The following BNC2 variants were observed in gnomAD, a reference collection of about 807,000 sequenced individuals.
BNC2 encodes basonuclin zinc finger protein 2.
Under a neutral mutation model 76.3 loss-of-function variants are expected in BNC2, and 20 were observed. The observed-to-expected ratio is 0.26, with a 90% CI of 0.18 to 0.38. The LOEUF (loss-of-function observed/expected upper bound fraction) is 0.38, where lower values mean the gene tolerates loss of function less well. Among genes scored for constraint, BNC2 ranks in the 10% least tolerant of loss-of-function variants. BNC2 has a pLI of 1.00. For synonymous variants in BNC2, 582 were observed against 514.8 expected (o/e 1.13, Z -1.77); for missense variants, 1,382 against 1,399.8 (o/e 0.99, Z 0.20).
chr9:16,695,794 A>G (rs1183513351), intron 3 of BNC2, among the ~76,000 whole-genome samples: 1 of 152,006 alleles, frequency 6.6e-6, no homozygotes. Context: ...TCTCATGTGA[A>G]TTTCAGTCCT....
At position 16,430,861 on chromosome 9, in the gene BNC2, C is replaced by T. The variant is rs181364390; in HGVS notation, c.2639+4694G>A. On this transcript the variant is annotated intron_variant, in intron 6 of 6. Transcript: ENST00000380672. ...GATGTGGACTGATCAAACTAGCAAT[C>T]GAATGGAAGGTTCACACTTGACACC... Among the ~76,000 whole-genome samples the T allele has an allele frequency of 6.1e-4, 93 of 152,286 alleles. 1 individual carries two copies. Among genetic ancestry groups the T allele is most frequent in the African/African-American group, 2.0e-3 (84 of 41,566 alleles).
chr9:16,810,746 C>A (rs1818026339), intron 1 of BNC2, among the ~76,000 whole-genome samples: 1 of 152,142 alleles, frequency 6.6e-6, no homozygotes, highest in Admixed American at 6.5e-5. Flanking sequence ...GCCAGTGATC[C>A]AAAGAGAAAA....
intron 1 of BNC2, among the ~76,000 whole-genome samples, chr9:16,823,865 G>A (rs1818396371): frequency 6.6e-6 from 1 of 152,060 alleles, no homozygotes; most frequent in Non-Finnish European, 1.5e-5. Flanking sequence ...CTTCTCTGTG[G>A]AGGTGATTTT....
chr9:16,536,980 T>C (rs1818149293), intron 5 of BNC2, among the ~76,000 whole-genome samples: 1 of 152,150 alleles, frequency 6.6e-6, no homozygotes, highest in Non-Finnish European at 1.5e-5. Flanking sequence ...TTTGAAATGT[T>C]ACTAACATAT....
intron 3 of BNC2, among the ~76,000 whole-genome samples, chr9:16,705,711 T>C (rs182239350): frequency 2.8e-4 from 43 of 152,310 alleles, no homozygotes; most frequent in African/African-American, 1.0e-3. Context: ...AACTTTACAT[T>C]TGCATTGATA....
intron 1 of BNC2, among the ~76,000 whole-genome samples, chr9:16,776,172 T>C (rs1483417242): frequency 6.6e-6 from 1 of 151,042 alleles, no homozygotes; most frequent in East Asian, 2.0e-4. Context: ...GGAGTTTCGC[T>C]CTTGTCGCCC....
chr9:16,747,094 T>C (rs565015584), intron 1 of BNC2, among the ~76,000 whole-genome samples: 1 of 152,268 alleles, frequency 6.6e-6, no homozygotes, highest in East Asian at 1.9e-4. Context: ...ATACAAAGTA[T>C]ACTACGAAAG....
At chr9:16,749,510 G>T (rs528392619) in intron 1 of BNC2, among the ~76,000 whole-genome samples, 1 of 152,152 alleles carries the variant, frequency 6.6e-6, no homozygotes, top group Admixed American at 6.6e-5. Context: ...GATCAGCCTG[G>T]GTAACAGAGT....
intron 1 of BNC2, among the ~76,000 whole-genome samples, chr9:16,821,956 G>A (rs995561052): frequency 2.0e-5 from 3 of 151,930 alleles, no homozygotes; most frequent in Admixed American, 6.6e-5. Context: ...AGCCAGGTGC[G>A]GTGGCGGGCG....
chr9:16,665,386 A>AAAG lies in BNC2; in HGVS notation c.330+62410_330+62411insCTT, dbSNP rs1554702315. Among the ~76,000 whole-genome samples the AAAG allele has an allele frequency of 3.1e-4, 26 of 84,284 alleles. 3 individuals carry two copies. Among genetic ancestry groups the AAAG allele is most frequent in the Non-Finnish European group, 4.9e-4 (23 of 47,312 alleles). 55.3% of individuals were successfully genotyped at this position (84,284 alleles called of 152,430 possible). ...CCTCTGTCTCAAAAAAAAAAAAAAA[A>AAAG]AGAGAGAGAGAGAGAGAAAGAGAGA... On this transcript the variant is annotated intron_variant, in intron 3 of 6. Transcript: ENST00000380672.
At chr9:16,509,536 C>G (rs1326153833) in intron 5 of BNC2, among the ~76,000 whole-genome samples, 1 of 152,188 alleles carries the variant, frequency 6.6e-6, no homozygotes, top group Non-Finnish European at 1.5e-5. Context: ...ACAACCGACT[C>G]CTCTGTGCAT....
In BNC2 at chr9:16,478,827, G is replaced by A. The variant is rs187586464; in HGVS notation, c.670-41303C>T. ...TGAAGTAACTATTTTGTGGCTCCCT[G>A]CATTCTCATCTCTCAAAGCTCTTCC... is the stretch of plus-strand genomic sequence containing the variant. On this transcript the variant is annotated intron_variant, in intron 5 of 6. Coordinates refer to ENST00000380672, the MANE Select transcript of BNC2 (RefSeq NM_017637.6). 1.4e-4 allele frequency among the ~76,000 whole-genome samples: 22 copies of A among 152,288 alleles called. No homozygotes were observed. The East Asian group carries it at 4.2e-3, about 29-fold the overall frequency.
Position 16,779,135 on chromosome 9 carries a change from GA to G in BNC2, c.4-40651del, listed in dbSNP as rs1192683609. Among the ~76,000 whole-genome samples, 154 of 73,540 alleles carry G rather than the reference GA, an allele frequency of 2.1e-3. 1 individual carries two copies. Among genetic ancestry groups the G allele is most frequent in the African/African-American group, 6.6e-3 (151 of 22,962 alleles). The allele number at this position is 73,540 out of a possible 152,430, so 48.2% of individuals were successfully genotyped here. A position where few individuals can be genotyped will look rare whatever the true frequency, so the allele number is the denominator to read the frequency against. On this transcript the variant is annotated intron_variant, in intron 1 of 6. Coordinates refer to ENST00000380672, the MANE Select transcript of BNC2 (RefSeq NM_017637.6). ...ATTGTAAAAAAAAAAAAAAAAAAAA[GA>G]AAAGAAAAGAAAAAAAAACCAGCCA...
At chr9:16,489,894 C>CG (rs1817859202) in intron 5 of BNC2, among the ~76,000 whole-genome samples, 1 of 152,146 alleles carries the variant, frequency 6.6e-6, no homozygotes, top group Admixed American at 6.6e-5. Flanking sequence ...CAAGAGCCCT[C>CG]GTGTATCTGC....
intron 1 of BNC2, among the ~76,000 whole-genome samples, chr9:16,774,269 C>T (rs1408478401): frequency 6.6e-6 from 1 of 152,182 alleles, no homozygotes. Flanking sequence ...AGTCGTGAGC[C>T]ACCGTGTCCG....
intron 6 of BNC2, among the ~76,000 whole-genome samples, chr9:16,432,408 A>G (rs762941230): frequency 3.3e-5 from 5 of 152,230 alleles, no homozygotes; most frequent in African/African-American, 4.8e-5. Context: ...AACCTAAAAG[A>G]CACTATTTAA....
intron 1 of BNC2, among the ~76,000 whole-genome samples, chr9:16,746,961 C>CA (rs34521803): frequency 0.63 from 86,951 of 138,384 alleles, 27,715 homozygotes; most frequent in Non-Finnish European, 0.71. Flanking sequence ...GACTCCATCT[C>CA]AAAAAAAAAA....
chr9:16,732,318 T>A (rs934479361), intron 2 of BNC2, among the ~76,000 whole-genome samples: 6 of 152,138 alleles, frequency 3.9e-5, no homozygotes, highest in Non-Finnish European at 4.4e-5. Flanking sequence ...CTATGTTTTC[T>A]TCTTTCTACT....
At chr9:16,491,773 T>C (rs887654992) in intron 5 of BNC2, among the ~76,000 whole-genome samples, 1 of 152,200 alleles carries the variant, frequency 6.6e-6, no homozygotes, top group Non-Finnish European at 1.5e-5. Flanking sequence ...TTTAGTTTCA[T>C]CTCTTTTTAA....
Sources: gnomAD v4.1 joint callset for allele counts (sites outside exome capture counted in the v4.1 genomes callset) on GRCh38, gnomAD v4.1.1 for gene constraint, MANE v1.5 for transcripts, NCBI Gene and HGNC (gene_info 2026-07-23, HGNC 2026-07-21) for gene names.